The following WFS1 variants were observed in gnomAD, a reference collection of about 807,000 sequenced individuals.
The protein encoded by WFS1 is wolframin ER transmembrane glycoprotein.
WFS1 carries 90 observed loss-of-function variants against 68.5 expected under a neutral mutation model. The ratio of observed to expected loss-of-function variants is 1.31; its 90% confidence interval spans 1.11 to 1.56. The LOEUF is 1.56. Ranked by LOEUF, WFS1 falls within the 40% of genes most tolerant of loss-of-function variation. WFS1 has a pLI of 0.00. For missense variants in WFS1, 1,767 were observed against 1,232.6 expected (o/e 1.43, Z -6.49); for synonymous variants, 860 against 540.7 (o/e 1.59, Z -8.19).
rs775158434 is a variant in WFS1, at chr4:6,301,631, G to C, written c.1836G>C (p.Trp612Cys). The C allele has an allele frequency of 4.5e-5, 73 of 1,614,006 alleles. No homozygotes were observed. The highest frequency in any genetic ancestry group is 4.7e-5 in the Non-Finnish European group (55 of 1,180,012). The change falls in exon 8 of 8, where the codon TGG becomes TGC. Residue 612 changes from tryptophan (W) to cysteine (C), a missense_variant. By Grantham distance (215) the Trp-to-Cys change is radical (BLOSUM62 -2). Coordinates refer to ENST00000226760, the MANE Select transcript of WFS1 (RefSeq NM_006005.3). ...AVCSVPLLLRWWTKASFSVVG... is the reference protein window; with the variant it reads ...AVCSVPLLLRCWTKASFSVVG... ...GTAGTGTGCCCCTGCTGTTGCGCTG[G>C]TGGACCAAGGCCAGCTTCTCTGTGG...
intron 1 of WFS1, among the ~76,000 whole-genome samples, chr4:6,276,558 G>A (rs985039734): frequency 6.6e-5 from 10 of 152,106 alleles, no homozygotes; most frequent in Non-Finnish European, 1.3e-4. Flanking sequence ...GCTGTGGAGC[G>A]GCAGATCTGG....
chr4:6,297,337 C>G (rs1018758181), intron 7 of WFS1, among the ~76,000 whole-genome samples: 9 of 152,104 alleles, frequency 5.9e-5, no homozygotes, highest in African/African-American at 2.2e-4. Context: ...TTTTGTAGAA[C>G]AAGGAGAGGT....
At chr4:6,296,025 T>C (rs1730629858) in intron 7 of WFS1, among the ~76,000 whole-genome samples, 1 of 152,198 alleles carries the variant, frequency 6.6e-6, no homozygotes, top group Non-Finnish European at 1.5e-5. Context: ...GGCAGTATCA[T>C]GCAGGCACCC....
intron 2 of WFS1, among the ~76,000 whole-genome samples, chr4:6,280,356 T>G (rs1162398772): frequency 2.6e-5 from 4 of 152,200 alleles, no homozygotes. Context: ...TGGTGAGTCC[T>G]GTGATCACCT....
At chr4:6,285,764 G>T (rs927231783) in intron 2 of WFS1, among the ~76,000 whole-genome samples, 1 of 152,202 alleles carries the variant, frequency 6.6e-6, no homozygotes, top group African/African-American at 2.4e-5. Context: ...GCCTGGCACG[G>T]TATGGTTCTG....
At chr4:6,300,200 C>A (rs372324563) in intron 7 of WFS1, among the ~76,000 whole-genome samples, 46 of 152,262 alleles carry the variant, frequency 3.0e-4, no homozygotes, top group African/African-American at 1.0e-3. Flanking sequence ...ATCGCCATTT[C>A]CCTTCATGGA....
At chr4:6,299,494 G>T (rs1055794984) in intron 7 of WFS1, among the ~76,000 whole-genome samples, 1 of 149,954 alleles carries the variant, frequency 6.7e-6, no homozygotes, top group South Asian at 2.1e-4. Flanking sequence ...GTGTGCACGT[G>T]TGTGTAGGGG....
rs746923441 is a variant in WFS1 at position 6,300,669 on chromosome 4, C to T, written c.874C>T (p.Pro292Ser). 16 of 1,613,962 alleles carry T rather than the reference C, an allele frequency of 9.9e-6. No homozygotes were observed. Among genetic ancestry groups the T allele is most frequent in the Non-Finnish European group, 1.4e-5 (16 of 1,179,950 alleles). ...LPLRLKVVKY[P>S]LHAIMEIKEY... ...ATCTTTCCCCCAGGTGGTCAAGTAC[C>T]CCCTGCACGCCATCATGGAGATCAA... Residue 292 changes from proline (P) to serine (S), a missense_variant, in exon 8 of 8, where the codon CCC (proline) becomes TCC (serine). Physicochemically the swap from Pro to Ser is moderately conservative, Grantham distance 74. Coordinates refer to ENST00000226760, the MANE Select transcript of WFS1 (RefSeq NM_006005.3).
Position 6,287,127 on chromosome 4 carries a change from A to G in WFS1, c.267A>G (p.Glu89=). The change falls in exon 3 of 8, where the codon GAA becomes GAG. Residue 89 remains glutamate (E), a synonymous_variant. Coordinates refer to ENST00000226760, the MANE Select transcript of WFS1 (RefSeq NM_006005.3). The surrounding 1 kb of genome is among the most constrained non-coding windows in gnomAD (Gnocchi z 6.4). ...AGGGAGACATGGAAATCCCCTTTGA[A>G]GAAGTCCTGGAGAGGGCCAAGGCCG... The part of the protein sequence containing the change: ...PTKGDMEIPF[E]EVLERAKAGD... The G allele has an allele frequency of 6.4e-7, 1 of 1,560,784 alleles. No homozygotes were observed. The highest frequency in any genetic ancestry group is 1.2e-5 in the South Asian group (1 of 84,802).
chr4:6,291,370 G>A lies in WFS1; in HGVS notation c.631+3G>A, dbSNP rs764283618. The A allele has an allele frequency of 2.5e-6, 4 of 1,611,988 alleles. No homozygotes were observed. In the Admixed American group the frequency reaches 5.0e-5, roughly 20 times the overall value. On this transcript the variant is annotated splice_donor_region_variant and intron_variant, in intron 5 of 7. Transcript: ENST00000226760. ...TGTCGGCCAGGTCAACGAGCACGGT[G>A]CGAGGATTCACCCTGGGCACCAGCC...
In WFS1 at chr4:6,287,797, C is replaced by T. The variant is rs1423162529; in HGVS notation, c.315+622C>T. 6.6e-6 allele frequency among the ~76,000 whole-genome samples: 1 copy of T among 152,196 alleles called. No individual in the cohort carries two copies. The highest frequency in any genetic ancestry group is 1.5e-5 in the Non-Finnish European group (1 of 68,036). ...GGGGGTCCTGTGTCCTCTGTGGAGG[C>T]AAGTTCTCACCACCTCACTCTGTCC... is the stretch of plus-strand genomic sequence containing the variant. On this transcript the variant is annotated intron_variant, in intron 3 of 7. Transcript: ENST00000226760. The surrounding 1 kb of genome is among the most constrained non-coding windows in gnomAD (Gnocchi z 6.4).
rs200775335 is a variant in WFS1, at chr4:6,302,415, G to C, written c.2620G>C (p.Ala874Pro). Residue 874 changes from alanine (A) to proline (P), a missense_variant, in exon 8 of 8, where the codon GCC (alanine) becomes CCC (proline). By Grantham distance (27) the Ala-to-Pro change is conservative. Transcript: ENST00000226760. The part of the protein sequence containing the change: ...EHDWRSTVHG[A>P]VKFAFDFFFF... Reference sequence around the variant, plus strand: ...CGACTGGCGCAGCACCGTGCATGGCGCCGTGAAGTTCGCCTTCGACTTCTT... The same window carrying C: ...CGACTGGCGCAGCACCGTGCATGGCCCCGTGAAGTTCGCCTTCGACTTCTT... 5 of 1,613,218 alleles carry C rather than the reference G, an allele frequency of 3.1e-6. No individual in the cohort carries two copies. Among genetic ancestry groups the C allele is most frequent in the Non-Finnish European group, 4.2e-6 (5 of 1,180,046 alleles).
intron 4 of WFS1, 100 bp downstream of exon 4, chr4:6,289,231 G>A (rs1730397208): frequency 6.9e-7 from 1 of 1,440,470 alleles, no homozygotes; most frequent in African/African-American, 1.4e-5. Flanking sequence ...CCTAACGCTG[G>A]TGATGCTGTT....
At position 6,300,860 on chromosome 4, in the gene WFS1, C is replaced by G. The variant is rs758409375; in HGVS notation, c.1065C>G (p.Ile355Met). Residue 355 changes from isoleucine (I) to methionine (M), a missense_variant, in exon 8 of 8, where the codon ATC becomes ATG. Ile to Met is a conservative substitution (Grantham distance 10, BLOSUM62 1). Transcript: ENST00000226760. ...TGGTCATCTTCTACCTGTCCTTCAT[C>G]TCCATGGTGATCTGCACCCTCAAGG... ...IPLVIFYLSFISMVICTLKVF... is the reference protein window; with the variant it reads ...IPLVIFYLSFMSMVICTLKVF... 2 of 1,614,038 alleles carry G rather than the reference C, an allele frequency of 1.2e-6. No individual in the cohort carries two copies. The highest frequency in any genetic ancestry group is 1.7e-6 in the Non-Finnish European group (2 of 1,180,036).
At chr4:6,290,523 G>A (rs988747951) in intron 4 of WFS1, among the ~76,000 whole-genome samples, 7 of 152,240 alleles carry the variant, frequency 4.6e-5, no homozygotes, top group Non-Finnish European at 1.0e-4. Flanking sequence ...ATGTGCAGTT[G>A]TGCTTTCTGA....
chr4:6,273,470 G>A (rs1729895799), intron 1 of WFS1, among the ~76,000 whole-genome samples: 3 of 152,200 alleles, frequency 2.0e-5, no homozygotes, highest in Admixed American at 2.0e-4. Context: ...GATGCAGCTG[G>A]AGATGCCTGG....
intron 7 of WFS1, among the ~76,000 whole-genome samples, chr4:6,299,189 T>C (rs1372657411): frequency 6.6e-6 from 1 of 152,232 alleles, no homozygotes; most frequent in Non-Finnish European, 1.5e-5. Context: ...CTCTGAGTTC[T>C]GCACAGACCA....
At position 6,301,952 on chromosome 4, in the gene WFS1, C is replaced by G. The variant is rs766900991; in HGVS notation, c.2157C>G (p.Ala719=). The change falls in exon 8 of 8, where the codon GCC becomes GCG. Residue 719 remains alanine (A), a synonymous_variant. Transcript: ENST00000226760. ...ACATCGACAACAGCGCCGAGTCTGCCATCAACATGCTCCCGTTCTTCATCG... is the reference window on the plus strand; with the variant it reads ...ACATCGACAACAGCGCCGAGTCTGCGATCAACATGCTCCCGTTCTTCATCG... ...VTDIDNSAES[A]INMLPFFIGD... is the part of the protein sequence containing the mutation. 3.1e-6 allele frequency: 5 copies of G among 1,612,834 alleles called. No homozygotes were observed. The South Asian group carries it at 4.4e-5, about 14-fold the overall frequency.
At chr4:6,297,050 A>T (rs1730657626) in intron 7 of WFS1, among the ~76,000 whole-genome samples, 1 of 152,168 alleles carries the variant, frequency 6.6e-6, no homozygotes, top group Admixed American at 6.5e-5. Flanking sequence ...CGCTGGTCTC[A>T]AACTCCTGGG....
Sources: gnomAD v4.1 joint callset for allele counts (sites outside exome capture counted in the v4.1 genomes callset) on GRCh38, gnomAD v4.1.1 for gene constraint, Gnocchi (gnomAD v3.1) non-coding constraint, MANE v1.5 for transcripts, NCBI Gene and HGNC (gene_info 2026-07-23, HGNC 2026-07-21) for gene names.